Variants in CEP152 observed in about 807,000 individuals in gnomAD.
The protein encoded by CEP152 is centrosomal protein of 152 kDa.
In CEP152, 132 loss-of-function variants were observed where a neutral mutation model predicts 188.9. That is an observed-to-expected ratio of 0.70 (90% CI 0.61 to 0.81). The LOEUF is 0.81. CEP152 is among the 30% of genes least tolerant of loss of function. The probability of loss-of-function intolerance (pLI) is 0.00; values close to 1 mark genes in which losing one functional copy is unlikely to be tolerated. For synonymous variants in CEP152, 649 were observed against 666.6 expected (o/e 0.97, Z 0.41); for missense variants, 1,914 against 1,969.8 (o/e 0.97, Z 0.54).
chr15:48,805,805 T>C, intron 1 of CEP152, 149 bp from the exon 2 acceptor site: 1 of 1,060,370 alleles, frequency 9.4e-7, no homozygotes, highest in Non-Finnish European at 1.3e-6. Context: ...CCAATAAAAA[T>C]AATGGTGATT....
In CEP152 at chr15:48,738,791, G is replaced by A; in HGVS notation, c.4591C>T (p.Leu1531Phe). 1 of 1,614,170 alleles carries A rather than the reference G, an allele frequency of 6.2e-7. No homozygotes were observed. The highest frequency in any genetic ancestry group is 1.3e-5 in the African/African-American group (1 of 75,048). The change falls in exon 27 of 27, where the codon CTT becomes TTT. Residue 1531 changes from leucine to phenylalanine, a missense_variant. Transcript: ENST00000380950. ...TTGCATTTATATACTTTTAAACCAAGTCTTTCATTAGAATCGCGAAAGGTT... is the reference window on the plus strand; with the variant it reads ...TTGCATTTATATACTTTTAAACCAAATCTTTCATTAGAATCGCGAAAGGTT... ...HITFRDSNER[L>F]GLKVYKCNPL...
Position 48,788,828 on chromosome 15 carries a change from A to T in CEP152, c.1146T>A (p.Asp382Glu), listed in dbSNP as rs1896831924. 4 of 1,614,184 alleles carry T rather than the reference A, an allele frequency of 2.5e-6. No homozygotes were observed. Among genetic ancestry groups the T allele is most frequent in the Non-Finnish European group, 3.4e-6 (4 of 1,180,024 alleles). ...EQVLSLQKNL[D>E]ATVTALKEQE... Reference sequence around the variant, plus strand: ...GTTCTTTAAGTGCGGTGACTGTGGCATCCAAATTCTTTTGTAAGGACAATA... The same window carrying T: ...GTTCTTTAAGTGCGGTGACTGTGGCTTCCAAATTCTTTTGTAAGGACAATA... Residue 382 changes from aspartate to glutamate, a missense_variant, in exon 9 of 27, where the codon GAT becomes GAA. Physicochemically the swap from Asp to Glu is conservative, Grantham distance 45. Coordinates refer to ENST00000380950, the MANE Select transcript of CEP152 (RefSeq NM_001194998.2).
intron 19 of CEP152, among the ~76,000 whole-genome samples, chr15:48,757,590 G>T (rs1894369754): frequency 6.6e-6 from 1 of 152,152 alleles, no homozygotes; most frequent in Non-Finnish European, 1.5e-5. Flanking sequence ...TGAATTCAAA[G>T]AAGGCACAAG....
chr15:48,753,487 T>A (rs1372577395), intron 20 of CEP152, among the ~76,000 whole-genome samples: 1 of 152,196 alleles, frequency 6.6e-6, no homozygotes, highest in Non-Finnish European at 1.5e-5. Flanking sequence ...AGAAACCACT[T>A]AATTGACTGT....
At chr15:48,764,466 G>C (rs1257466479) in intron 17 of CEP152, among the ~76,000 whole-genome samples, 2 of 152,064 alleles carry the variant, frequency 1.3e-5, no homozygotes, top group Non-Finnish European at 2.9e-5. Flanking sequence ...TGAACTTGTT[G>C]TGCGTGTCTT....
At chr15:48,759,880 A>G (rs995831903) in intron 19 of CEP152, among the ~76,000 whole-genome samples, 1 of 152,224 alleles carries the variant, frequency 6.6e-6, no homozygotes, top group Non-Finnish European at 1.5e-5. Context: ...TCTCAATTTC[A>G]TCTAAAGATA....
intron 12 of CEP152, among the ~76,000 whole-genome samples, chr15:48,775,880 G>C (rs1428778475): frequency 6.6e-6 from 1 of 151,550 alleles, no homozygotes; most frequent in Non-Finnish European, 1.5e-5. Flanking sequence ...TCTTTAAGTG[G>C]GTGTCTTTTA....
chr15:48,789,908 A>G (rs945531412), intron 8 of CEP152, among the ~76,000 whole-genome samples: 4 of 152,202 alleles, frequency 2.6e-5, no homozygotes, highest in African/African-American at 9.7e-5. Context: ...ATAAATTTGT[A>G]TTGTTTTAAA....
chr15:48,744,351 ACAAAC>A lies in CEP152; in HGVS notation c.3732-13_3732-9del. 6.2e-7 allele frequency: 1 copy of A among 1,614,070 alleles called. No homozygotes were observed. Among genetic ancestry groups the A allele is most frequent in the Admixed American group, 1.7e-5 (1 of 60,018 alleles). On this transcript the variant is annotated splice_polypyrimidine_tract_variant and intron_variant, in intron 23 of 26. Transcript: ENST00000380950. ...GCCCCTGCTGACAATGACCTAAAAA[ACAAAC>A]CAAAGATTACAAAAACAGAAATGGT... is the stretch of plus-strand genomic sequence containing the variant.
At chr15:48,730,789 C>T (rs1338432361) in intron 2 of CEP152, among the ~76,000 whole-genome samples, 2 of 152,172 alleles carry the variant, frequency 1.3e-5, no homozygotes, top group African/African-American at 4.8e-5. Context: ...TCAGCAGGCA[C>T]ACACCATAGA....
chr15:48,810,100 A>G (rs751728138), intron 1 of CEP152: 1 of 152,228 alleles, frequency 6.6e-6, no homozygotes, highest in Non-Finnish European at 1.5e-5. Context: ...CTATGAAGGT[A>G]TAAGGTGATA....
rs1017642686 is a variant in CEP152 at position 48,763,489 on chromosome 15, C to A, written c.2281-817G>T. Reference sequence around the variant, plus strand: ...AGGAGTTCAAGACCAGCCTGGCCAACATGGCGAAACCCCATCTCTACTAAA... The same window carrying A: ...AGGAGTTCAAGACCAGCCTGGCCAAAATGGCGAAACCCCATCTCTACTAAA... On this transcript the variant is annotated intron_variant, in intron 17 of 26. Transcript: ENST00000380950. 5.3e-5 allele frequency among the ~76,000 whole-genome samples: 8 copies of A among 152,118 alleles called. 1 individual carries two copies. The highest frequency in any genetic ancestry group is 1.2e-4 in the Non-Finnish European group (8 of 68,022).
At chr15:48,761,117 T>C (rs1475094675) in intron 18 of CEP152, among the ~76,000 whole-genome samples, 3 of 152,210 alleles carry the variant, frequency 2.0e-5, no homozygotes, top group African/African-American at 7.2e-5. Flanking sequence ...TTAAGATTAA[T>C]AATTTCATAA....
At chr15:48,733,508 A>C (rs887049962), downstream of CEP152, among the ~76,000 whole-genome samples, 5 of 152,194 alleles carry the variant, frequency 3.3e-5, no homozygotes, top group African/African-American at 1.2e-4. Flanking sequence ...TTAAAGAAGA[A>C]TGCACAGTGC....
rs1291400582 is a variant in CEP152 at position 48,788,800 on chromosome 15, C to A, written c.1173+1G>T. 1 of 1,613,690 alleles carries A rather than the reference C, an allele frequency of 6.2e-7. No homozygotes were observed. The highest frequency in any genetic ancestry group is 1.3e-5 in the African/African-American group (1 of 75,042). On this transcript the variant is annotated splice_donor_variant, in intron 9 of 26. Transcript: ENST00000380950. LOFTEE classifies it high-confidence loss of function. Reference sequence around the variant, plus strand: ...AGTTGCTCATTTGAAATCATCCCAACCTGTTCTTTAAGTGCGGTGACTGTG... The same window carrying A: ...AGTTGCTCATTTGAAATCATCCCAAACTGTTCTTTAAGTGCGGTGACTGTG...
intron 7 of CEP152, among the ~76,000 whole-genome samples, chr15:48,791,639 C>A (rs1288674096): frequency 2.0e-5 from 3 of 152,110 alleles, no homozygotes; most frequent in Admixed American, 2.0e-4. Context: ...ACCTCAGCCT[C>A]CCCAGTAGCT....
chr15:48,762,601 C>T lies in CEP152; in HGVS notation c.2352G>A (p.Met784Ile). Reference protein sequence around the residue: ...QSKLDQTIKAMKKKTLDCGSQ... With the variant: ...QSKLDQTIKAIKKKTLDCGSQ... ...TGCCACAATCTAAGGTCTTCTTTTT[C>T]ATTGCCTTTATAGTTTGATCCAGCT... The change falls in exon 18 of 27, where the codon ATG (methionine) becomes ATA (isoleucine). Residue 784 changes from methionine to isoleucine, a missense_variant. Transcript: ENST00000380950. The T allele has an allele frequency of 6.2e-7, 1 of 1,613,996 alleles. No individual in the cohort carries two copies. The highest frequency in any genetic ancestry group is 8.5e-7 in the Non-Finnish European group (1 of 1,179,980).
chr15:48,753,317 C>T (rs1323669571), intron 20 of CEP152, among the ~76,000 whole-genome samples: 2 of 152,160 alleles, frequency 1.3e-5, no homozygotes, highest in Admixed American at 6.5e-5. Context: ...TGAGCCACCA[C>T]GCTCAGCCAA....
intron 13 of CEP152, among the ~76,000 whole-genome samples, chr15:48,771,956 T>G (rs1895561337): frequency 6.6e-6 from 1 of 152,230 alleles, no homozygotes; most frequent in South Asian, 2.1e-4. Context: ...TTCTACTGAA[T>G]GCACATAACT....
Sources: allele counts gnomAD v4.1 joint callset (sites outside exome capture counted in the v4.1 genomes callset), GRCh38; gene constraint gnomAD v4.1.1; transcripts MANE v1.5; gene names NCBI Gene and HGNC (gene_info 2026-07-23, HGNC 2026-07-21).